Variants in CTTNBP2 observed in about 807,000 individuals in gnomAD.
CTTNBP2 encodes cortactin binding protein 2, also known as cortactin-binding protein 2.
CTTNBP2 carries 108 observed loss-of-function variants against 156.9 expected under a neutral mutation model. That is an observed-to-expected ratio of 0.69 (90% CI 0.59 to 0.81). The LOEUF (loss-of-function observed/expected upper bound fraction) is 0.81. Among genes scored for constraint, CTTNBP2 ranks in the 30% least tolerant of loss-of-function variants. The pLI is 0.00. For synonymous variants in CTTNBP2, 767 were observed against 751.8 expected (o/e 1.02, Z -0.33); for missense variants, 1,924 against 2,035.4 (o/e 0.95, Z 1.05).
Position 117,778,084 on chromosome 7 carries a change from T to C in CTTNBP2, c.2524-319A>G, listed in dbSNP as rs147579031. On this transcript the variant is annotated intron_variant, in intron 7 of 22. Transcript: ENST00000160373. ...ATGGTAAATCAAAATCTCAATTTAA[T>C]ACTATGAAAGAGAATGAACTTTAGC... is the stretch of plus-strand genomic sequence containing the variant. Among the ~76,000 whole-genome samples, 617 of 152,320 alleles carry C rather than the reference T, an allele frequency of 4.1e-3. 1 individual carries two copies. The highest frequency in any genetic ancestry group is 6.6e-3 in the South Asian group (32 of 4,826).
chr7:117,735,099 T>G lies in CTTNBP2; in HGVS notation c.3690A>C (p.Gly1230=). The G allele has an allele frequency of 6.2e-7, 1 of 1,609,930 alleles. No homozygotes were observed. Among genetic ancestry groups the G allele is most frequent in the Non-Finnish European group, 8.5e-7 (1 of 1,177,370 alleles). ...AGTAATAACATTCGGACAGTCCATT[T>G]CCTGAAACAAACCAAAAAGCAATGG... ...STESPCTFQK[G]NGLSECYYFH... is the part of the protein sequence containing the mutation. Residue 1230 remains glycine (G), a splice_region_variant and synonymous_variant, in exon 16 of 23, where the codon GGA becomes GGC. Coordinates refer to ENST00000160373, the MANE Select transcript of CTTNBP2 (RefSeq NM_033427.3).
chr7:117,788,033 G>GGCAT (rs1372919948), intron 4 of CTTNBP2, among the ~76,000 whole-genome samples: 2 of 152,174 alleles, frequency 1.3e-5, no homozygotes, highest in African/African-American at 4.8e-5. Context: ...GGTGCACAGT[G>GGCAT]GCATGATTAT....
At chr7:117,821,427 C>T (rs1294039109) in intron 2 of CTTNBP2, among the ~76,000 whole-genome samples, 2 of 151,520 alleles carry the variant, frequency 1.3e-5, no homozygotes, top group African/African-American at 2.4e-5. Context: ...TCCTGGTTTG[C>T]TGTTGAAATT....
At chr7:117,804,164 C>T (rs182091307) in intron 3 of CTTNBP2, among the ~76,000 whole-genome samples, 29 of 151,976 alleles carry the variant, frequency 1.9e-4, no homozygotes, top group Admixed American at 5.2e-4. Flanking sequence ...AGTTTCACCA[C>T]GTTGGCTAGG....
chr7:117,758,678 T>C (rs1289810659), intron 10 of CTTNBP2, among the ~76,000 whole-genome samples: 1 of 152,218 alleles, frequency 6.6e-6, no homozygotes, highest in Non-Finnish European at 1.5e-5. Flanking sequence ...TAGCTTAGGT[T>C]ATGAATCCAG....
Position 117,780,489 on chromosome 7 carries a change from A to G in CTTNBP2, c.2475T>C (p.Cys825=). ...TTCCAGCTTCCAACAAGAGTTTAATACATTCTTTATTTCCATTTTTACAGG... is the reference window on the plus strand; with the variant it reads ...TTCCAGCTTCCAACAAGAGTTTAATGCATTCTTTATTTCCATTTTTACAGG... The part of the protein sequence containing the change: ...YLACKNGNKE[C]IKLLLEAGTN... The change falls in exon 7 of 23, where the codon TGT becomes TGC. Residue 825 remains cysteine (C), a synonymous_variant. Coordinates refer to ENST00000160373, the MANE Select transcript of CTTNBP2 (RefSeq NM_033427.3). The G allele has an allele frequency of 6.2e-7, 1 of 1,600,986 alleles. No homozygotes were observed. The highest frequency in any genetic ancestry group is 8.5e-7 in the Non-Finnish European group (1 of 1,174,828).
intron 1 of CTTNBP2, among the ~76,000 whole-genome samples, chr7:117,861,587 C>T (rs1474198493): frequency 6.6e-6 from 1 of 152,108 alleles, no homozygotes; most frequent in African/African-American, 2.4e-5. Context: ...AATTACATAG[C>T]ACAAATTTAA....
intron 2 of CTTNBP2, among the ~76,000 whole-genome samples, chr7:117,829,661 C>G (rs1321228330): frequency 1.3e-5 from 2 of 152,136 alleles, no homozygotes; most frequent in African/African-American, 4.8e-5. Flanking sequence ...GGAAAAGGAC[C>G]CAGGTATAAT....
chr7:117,725,023 T>A (rs370604022), intron 18 of CTTNBP2, 29 bp downstream of exon 18: 8 of 1,596,710 alleles, frequency 5.0e-6, no homozygotes, highest in Non-Finnish European at 6.9e-6. Context: ...GGTGTGAATT[T>A]CCTCTCCTCT....
At chr7:117,852,540 C>A (rs1802998099) in intron 2 of CTTNBP2, among the ~76,000 whole-genome samples, 1 of 152,076 alleles carries the variant, frequency 6.6e-6, no homozygotes, top group South Asian at 2.1e-4. Flanking sequence ...GAATCATACC[C>A]TAATTACAGA....
chr7:117,872,276 C>G (rs1804660456), intron 1 of CTTNBP2: 1 of 152,780 alleles, frequency 6.5e-6, no homozygotes, highest in Non-Finnish European at 1.5e-5. Flanking sequence ...TACGCCCGGC[C>G]CTGCCCTCTC....
At position 117,746,022 on chromosome 7, in the gene CTTNBP2, G is replaced by C; in HGVS notation, c.3426C>G (p.Leu1142=). Residue 1142 remains leucine (L), a synonymous_variant, in exon 13 of 23, where the codon CTC becomes CTG. Transcript: ENST00000160373. ...LQDYIVHQLA[L]CLKHRQMAAG... is the part of the protein sequence containing the mutation. ...TACAAGTAATCAATACCTTCAGGCA[G>C]AGTGCAAGCTGATGTACTATGTAGT... The C allele has an allele frequency of 6.2e-7, 1 of 1,613,852 alleles. No homozygotes were observed. Among genetic ancestry groups the C allele is most frequent in the Non-Finnish European group, 8.5e-7 (1 of 1,179,712 alleles).
At chr7:117,800,709 C>G (rs1799561856) in intron 3 of CTTNBP2, among the ~76,000 whole-genome samples, 1 of 152,030 alleles carries the variant, frequency 6.6e-6, no homozygotes, top group Non-Finnish European at 1.5e-5. Flanking sequence ...CTGGCATATA[C>G]TCTATGGCTT....
intron 4 of CTTNBP2, among the ~76,000 whole-genome samples, chr7:117,788,390 T>C (rs1798816562): frequency 6.6e-6 from 1 of 152,244 alleles, no homozygotes; most frequent in Non-Finnish European, 1.5e-5. Context: ...AGTTCAGTGC[T>C]TGTTTGATCA....
chr7:117,764,315 C>T (rs1797363062), intron 9 of CTTNBP2, among the ~76,000 whole-genome samples: 1 of 151,998 alleles, frequency 6.6e-6, no homozygotes, highest in Non-Finnish European at 1.5e-5. Flanking sequence ...ATACTCATCT[C>T]CCTCCTCTCC....
chr7:117,717,553 T>C (rs112426201), intron 22 of CTTNBP2, among the ~76,000 whole-genome samples: 2,051 of 152,100 alleles, frequency 0.013, 9 homozygotes, highest in Non-Finnish European at 0.023. Flanking sequence ...ACCATCCTAC[T>C]CTGTTCTGCC....
intron 22 of CTTNBP2, among the ~76,000 whole-genome samples, chr7:117,717,775 A>G (rs1794517293): frequency 4.6e-5 from 7 of 151,904 alleles, no homozygotes; most frequent in Admixed American, 3.9e-4. Flanking sequence ...ATCTCAACAG[A>G]CACCCAAAAT....
At chr7:117,755,576 T>C (rs1796840147) in intron 12 of CTTNBP2, 1 of 469,126 alleles carries the variant, frequency 2.1e-6, no homozygotes, top group Admixed American at 2.4e-5. Flanking sequence ...TTTCCCCATC[T>C]GTAAAATGGA....
chr7:117,766,918 T>TA, intron 9 of CTTNBP2, 141 bp downstream of exon 9: 1 of 619,556 alleles, frequency 1.6e-6, no homozygotes, highest in Non-Finnish European at 2.9e-6. Context: ...TTATCACACT[T>TA]ACAGTCAGTA....
Sources: allele counts gnomAD v4.1 joint callset (sites outside exome capture counted in the v4.1 genomes callset), GRCh38; gene constraint gnomAD v4.1.1; transcripts MANE v1.5; gene names NCBI Gene and HGNC (gene_info 2026-07-23, HGNC 2026-07-21).